Variants in KCNAB1 observed in about 807,000 individuals in gnomAD.
The protein encoded by KCNAB1 is voltage-gated potassium channel subunit beta-1.
KCNAB1 carries 35 observed loss-of-function variants against 64.6 expected under a neutral mutation model. The observed-to-expected ratio is 0.54, with a 90% CI of 0.41 to 0.72. The LOEUF (loss-of-function observed/expected upper bound fraction) is 0.72. Among genes scored for constraint, KCNAB1 ranks in the 30% least tolerant of loss-of-function variants. The probability of loss-of-function intolerance (pLI) is 0.00; values close to 1 mark genes in which losing one functional copy is unlikely to be tolerated. For synonymous variants in KCNAB1, 177 were observed against 183.8 expected (o/e 0.96, Z 0.30); for missense variants, 401 against 512.9 (o/e 0.78, Z 2.11).
upstream of KCNAB1, among the ~76,000 whole-genome samples, chr3:156,119,010 CT>C (rs1354051015): frequency 1.3e-5 from 2 of 152,222 alleles, no homozygotes; most frequent in African/African-American, 4.8e-5. Flanking sequence ...CAGTTGCCTC[CT>C]TTGATACATG....
intron 1 of KCNAB1, among the ~76,000 whole-genome samples, chr3:156,310,285 T>A (rs1486298493): frequency 1.3e-5 from 2 of 152,106 alleles, no homozygotes; most frequent in African/African-American, 2.4e-5. Context: ...TGGAATGCCA[T>A]CTTGATAGTT....
rs112728411 is a variant in KCNAB1, at chr3:156,501,890, T to C, written c.659-12474T>C. ...TGGGAGGTGAATGGCACTTCTTACA[T>C]GGTGGCAGGAAGAGAAAACGAGGAA... On this transcript the variant is annotated intron_variant, in intron 8 of 13. Coordinates refer to ENST00000490337, the MANE Select transcript of KCNAB1 (RefSeq NM_172160.3). Among the ~76,000 whole-genome samples, 826 of 152,152 alleles carry C rather than the reference T, an allele frequency of 5.4e-3. 9 individuals carry two copies. The highest frequency in any genetic ancestry group is 0.019 in the African/African-American group (775 of 41,470).
At chr3:156,474,944 T>C in intron 8 of KCNAB1, 124 bp downstream of exon 8, 1 of 772,692 alleles carries the variant, frequency 1.3e-6, no homozygotes, top group South Asian at 1.6e-5. Flanking sequence ...ATAAAAATGT[T>C]TCTGACTGAT....
chr3:156,309,477 T>C (rs1353124178), intron 1 of KCNAB1, among the ~76,000 whole-genome samples: 1 of 152,228 alleles, frequency 6.6e-6, no homozygotes, highest in Non-Finnish European at 1.5e-5. Context: ...CTAGTTTTTA[T>C]CTGTTGTGTG....
intron 1 of KCNAB1, among the ~76,000 whole-genome samples, chr3:156,136,183 C>G (rs1394399318): frequency 6.6e-6 from 1 of 152,186 alleles, no homozygotes; most frequent in African/African-American, 2.4e-5. Context: ...TGTGGTAACC[C>G]TTAGACACTG....
chr3:156,514,731 G>A (rs1717441746), intron 9 of KCNAB1, among the ~76,000 whole-genome samples: 1 of 152,190 alleles, frequency 6.6e-6, no homozygotes, highest in African/African-American at 2.4e-5. Context: ...ATAAAAAACT[G>A]TATTAACTAT....
At chr3:156,225,762 T>C (rs1560146409) in intron 1 of KCNAB1, among the ~76,000 whole-genome samples, 1 of 152,224 alleles carries the variant, frequency 6.6e-6, no homozygotes, top group African/African-American at 2.4e-5. Context: ...TCAGTAGCTC[T>C]GCTGTATACC....
At chr3:156,298,804 A>G (rs1720963171) in intron 1 of KCNAB1, among the ~76,000 whole-genome samples, 2 of 152,254 alleles carry the variant, frequency 1.3e-5, no homozygotes, top group African/African-American at 4.8e-5. Context: ...ATTAGGCATC[A>G]TAAGAAGATT....
At chr3:156,382,515 A>G (rs932354275) in intron 1 of KCNAB1, among the ~76,000 whole-genome samples, 4 of 152,050 alleles carry the variant, frequency 2.6e-5, no homozygotes, top group African/African-American at 9.6e-5. Flanking sequence ...AAACAAACAA[A>G]AAAACCAACC....
intron 2 of KCNAB1, among the ~76,000 whole-genome samples, chr3:156,439,361 T>TG (rs1716836933): frequency 6.6e-6 from 1 of 151,922 alleles, no homozygotes; most frequent in East Asian, 1.9e-4. Context: ...GGAAGGAAGA[T>TG]GAAAAACTTA....
chr3:156,473,183 A>C (rs947558484), intron 7 of KCNAB1, among the ~76,000 whole-genome samples: 1 of 152,116 alleles, frequency 6.6e-6, no homozygotes, highest in Non-Finnish European at 1.5e-5. Flanking sequence ...ATAATTTCAC[A>C]TTCTGGTTCT....
chr3:156,197,393 T>C (rs1286983290), intron 1 of KCNAB1, among the ~76,000 whole-genome samples: 1 of 152,204 alleles, frequency 6.6e-6, no homozygotes, highest in Non-Finnish European at 1.5e-5. Flanking sequence ...TACCAGCTCC[T>C]CTTTGTACCT....
chr3:156,276,329 A>G, intron 1 of KCNAB1, among the ~76,000 whole-genome samples: 1 of 152,192 alleles, frequency 6.6e-6, no homozygotes, highest in East Asian at 1.9e-4. Context: ...GAGCACAGGC[A>G]GAGTAGATTT....
intron 13 of KCNAB1, among the ~76,000 whole-genome samples, chr3:156,533,954 C>T (rs968161783): frequency 3.3e-5 from 5 of 152,148 alleles, no homozygotes; most frequent in African/African-American, 1.2e-4. Context: ...AGTAATTTTT[C>T]TTCCCAAAAC....
chr3:156,354,120 G>GTGTGTA (rs372765461), intron 1 of KCNAB1, among the ~76,000 whole-genome samples: 7 of 132,562 alleles, frequency 5.3e-5, no homozygotes, highest in Admixed American at 4.6e-4. Flanking sequence ...ATGTGTGTGT[G>GTGTGTA]TATATATATA....
intron 1 of KCNAB1, among the ~76,000 whole-genome samples, chr3:156,242,327 G>A (rs1365280256): frequency 6.6e-6 from 1 of 152,054 alleles, no homozygotes; most frequent in Non-Finnish European, 1.5e-5. Flanking sequence ...TGGGGGAACA[G>A]GTGATATTTG....
chr3:156,186,654 C>T (rs1713210402), intron 1 of KCNAB1, among the ~76,000 whole-genome samples: 1 of 152,094 alleles, frequency 6.6e-6, no homozygotes, highest in Non-Finnish European at 1.5e-5. Flanking sequence ...TCTGTTCAAC[C>T]TCTTACCTCC....
At chr3:156,421,045 T>C (rs974066785) in intron 1 of KCNAB1, among the ~76,000 whole-genome samples, 4 of 150,536 alleles carry the variant, frequency 2.7e-5, no homozygotes, top group Non-Finnish European at 5.9e-5. Context: ...ACCTAAAAGA[T>C]AGTTTTATAT....
At chr3:156,210,440 G>A (rs552928432) in intron 1 of KCNAB1, among the ~76,000 whole-genome samples, 203 of 152,286 alleles carry the variant, frequency 1.3e-3, no homozygotes, top group Middle Eastern at 3.4e-3. Flanking sequence ...TATGCTTTCT[G>A]GAGGTCAGAG....
Sources: allele counts gnomAD v4.1 joint callset (sites outside exome capture counted in the v4.1 genomes callset), GRCh38; gene constraint gnomAD v4.1.1; transcripts MANE v1.5; gene names NCBI Gene and HGNC (gene_info 2026-07-23, HGNC 2026-07-21).